SETD4: variants seen among roughly 807,000 people sequenced by gnomAD.
SETD4 encodes SET domain-containing protein 4.
In SETD4, 46 loss-of-function variants were observed where a neutral mutation model predicts 58.3. That is an observed-to-expected ratio of 0.79 (90% CI 0.62 to 1.01). The LOEUF is 1.01. Among genes scored for constraint, SETD4 ranks in the 50% least tolerant of loss-of-function variants. The pLI is 0.00. For synonymous variants in SETD4, 190 were observed against 202.6 expected (o/e 0.94, Z 0.53); for missense variants, 490 against 523.3 (o/e 0.94, Z 0.62).
intron 2 of SETD4, 112 bp downstream of exon 2, chr21:36,058,704 C>G (rs745929352): frequency 3.9e-5 from 49 of 1,254,504 alleles, no homozygotes; most frequent in Non-Finnish European, 5.2e-5. Flanking sequence ...GGTGACAGAG[C>G]GAGAATCCGT....
chr21:36,054,081 C>G (rs945790517), intron 3 of SETD4, among the ~76,000 whole-genome samples: 2 of 152,182 alleles, frequency 1.3e-5, no homozygotes, highest in Admixed American at 6.5e-5. Context: ...AAACCCCACT[C>G]AAGTCCCCAC....
Position 36,043,782 on chromosome 21 carries a change from C to A in SETD4, c.901G>T (p.Glu301Ter). Reference sequence around the variant, plus strand: ...TGTTAAGAACAAAGTTGATTCCAACCTCTTGAGACATAAACACAAGCATGA... The same window carrying A: ...TGTTAAGAACAAAGTTGATTCCAACATCTTGAGACATAAACACAAGCATGA... ...NPHACVYVSR[E>*]ILVKYLPSTD... The change falls in exon 7 of 12, where the codon GAA becomes TAA. Residue 301 changes from glutamate (E) to a stop codon, truncating the protein, a stop_gained and splice_region_variant. Coordinates refer to ENST00000332131, the MANE Select transcript of SETD4 (RefSeq NM_017438.5). LOFTEE classifies it high-confidence loss of function. 1 of 1,613,936 alleles carries A rather than the reference C, an allele frequency of 6.2e-7. No homozygotes were observed. The highest frequency in any genetic ancestry group is 1.3e-5 in the African/African-American group (1 of 75,024).
chr21:36,056,537 G>C (rs1316422378), intron 3 of SETD4, among the ~76,000 whole-genome samples: 1 of 152,178 alleles, frequency 6.6e-6, no homozygotes, highest in Non-Finnish European at 1.5e-5. Context: ...GTGAGAGAAT[G>C]TTCCAGAAGA....
chr21:36,055,771 A>G (rs1477980389), intron 3 of SETD4, among the ~76,000 whole-genome samples: 1 of 152,154 alleles, frequency 6.6e-6, no homozygotes, highest in Non-Finnish European at 1.5e-5. Context: ...CTCACTTTTA[A>G]AAATAGGAAC....
rs940487401 is a variant in SETD4, at chr21:36,034,739, C to T, written c.*1254G>A. 2 of 152,200 alleles carry T rather than the reference C, an allele frequency of 1.3e-5. No homozygotes were observed. The highest frequency in any genetic ancestry group is 4.8e-5 in the African/African-American group (2 of 41,522). 9.4% of individuals were successfully genotyped at this position (152,200 alleles called of 1,614,324 possible). A position where few individuals can be genotyped will look rare whatever the true frequency, so the allele number is the denominator to read the frequency against. On this transcript the variant is annotated 3_prime_UTR_variant, in exon 12 of 12. Coordinates refer to ENST00000332131, the MANE Select transcript of SETD4 (RefSeq NM_017438.5). ...GCCATGCAAATGGTTGACATGCTGCCGATGGCCGCTCTGCAGAATCGCTGG... is the reference window on the plus strand; with the variant it reads ...GCCATGCAAATGGTTGACATGCTGCTGATGGCCGCTCTGCAGAATCGCTGG...
chr21:36,038,484 T>C (rs540639049), intron 9 of SETD4, among the ~76,000 whole-genome samples: 79 of 152,162 alleles, frequency 5.2e-4, no homozygotes, highest in Non-Finnish European at 9.3e-4. Flanking sequence ...GAGCTGAGAA[T>C]AAAAGCACGG....
At chr21:36,058,517 A>G (rs930713479) in intron 2 of SETD4, among the ~76,000 whole-genome samples, 26 of 137,200 alleles carry the variant, frequency 1.9e-4, no homozygotes, top group Admixed American at 4.6e-4. Flanking sequence ...AAAAAAAAAA[A>G]AAAAGAAAGA....
chr21:36,043,723 T>C (rs1601220625), intron 7 of SETD4, 59 bp downstream of exon 7: 2 of 1,595,046 alleles, frequency 1.3e-6, no homozygotes, highest in South Asian at 2.3e-5. Context: ...AAAATACACA[T>C]CTCCAAATGG....
rs754922548 is a variant in SETD4 at position 36,053,616 on chromosome 21, T to C, written c.174A>G (p.Thr58=). 18 of 1,613,970 alleles carry C rather than the reference T, an allele frequency of 1.1e-5. No individual in the cohort carries two copies. The highest frequency in any genetic ancestry group is 5.0e-5 in the Admixed American group (3 of 59,984). ...SNLAPACFPG[T]GRGLMSQTSL... is the part of the protein sequence containing the mutation. ...ATGTTTGACTCATCAGCCCTCTTCC[T>C]GTACCTAGGAAAGCAAAGACAGAAA... Residue 58 remains threonine, a synonymous_variant, in exon 4 of 12, where the codon ACA becomes ACG. Coordinates refer to ENST00000332131, the MANE Select transcript of SETD4 (RefSeq NM_017438.5).
At chr21:36,040,957 G>A (rs762936102) in intron 8 of SETD4, among the ~76,000 whole-genome samples, 9 of 151,960 alleles carry the variant, frequency 5.9e-5, no homozygotes, top group Non-Finnish European at 1.2e-4. Context: ...TCAGGAGATC[G>A]AGACCATCCT....
chr21:36,049,173 T>C (rs923417136), intron 4 of SETD4, among the ~76,000 whole-genome samples: 4 of 152,010 alleles, frequency 2.6e-5, no homozygotes, highest in African/African-American at 9.7e-5. Flanking sequence ...AGATGTAAAG[T>C]AATAGAAAAC....
Position 36,050,903 on chromosome 21 carries a change from C to A in SETD4, c.208-2507G>T. 7 of 1,610,706 alleles carry A rather than the reference C, an allele frequency of 4.3e-6. No individual in the cohort carries two copies. The South Asian group carries it at 7.7e-5, about 18-fold the overall frequency. On this transcript the variant is annotated intron_variant, in intron 4 of 11. Coordinates refer to ENST00000332131, the MANE Select transcript of SETD4 (RefSeq NM_017438.5). ...CAACAGATGGGAGAATGCAAAGCAA[C>A]TGCTCATTAGGTGGTGTGGGGATGA...
At chr21:36,057,047 C>G (rs2065019337) in intron 3 of SETD4, 62 bp downstream of exon 3, 14 of 1,300,894 alleles carry the variant, frequency 1.1e-5, no homozygotes, top group Non-Finnish European at 1.6e-5. Context: ...GCAAGAGTGG[C>G]CCCTGCTGTC....
intron 10 of SETD4, 65 bp downstream of exon 10, chr21:36,038,085 T>C: frequency 1.3e-6 from 2 of 1,540,592 alleles, no homozygotes; most frequent in Non-Finnish European, 1.8e-6. Context: ...CCTAATAACA[T>C]GTACAAAACA....
Position 36,045,998 on chromosome 21 carries a change from G to C in SETD4, c.310C>G (p.Pro104Ala). The change falls in exon 6 of 12, where the codon CCA (proline) becomes GCA (alanine). Residue 104 changes from proline to alanine, a missense_variant. Pro to Ala is a conservative substitution (Grantham distance 27). Coordinates refer to ENST00000332131, the MANE Select transcript of SETD4 (RefSeq NM_017438.5). ...GTGCACAGCGCCAGCAGAGGAGATG[G>C]AGGAGGCTTCCACCTTTGAAAATTA... ...GAYITKWKPP[P>A]SPLLALCTFL... is the part of the protein sequence containing the mutation. 6.2e-7 allele frequency: 1 copy of C among 1,612,092 alleles called. No individual in the cohort carries two copies. The highest frequency in any genetic ancestry group is 1.1e-5 in the South Asian group (1 of 90,746).
chr21:36,040,455 G>A (rs897281630), intron 9 of SETD4, 120 bp downstream of exon 9: 3 of 763,074 alleles, frequency 3.9e-6, no homozygotes, highest in South Asian at 1.5e-5. Context: ...TCCAATGTAT[G>A]ACATCCCTTT....
chr21:36,052,344 C>G (rs563670256), intron 4 of SETD4, among the ~76,000 whole-genome samples: 2 of 147,322 alleles, frequency 1.4e-5, no homozygotes, highest in African/African-American at 2.5e-5. Context: ...GTCAGAAGTT[C>G]AAGACCAGCC....
chr21:36,050,789 G>C, intron 4 of SETD4: 3 of 1,610,740 alleles, frequency 1.9e-6, no homozygotes, highest in Middle Eastern at 1.7e-4. Context: ...CGCCATACTT[G>C]TTCCAGAAGT....
chr21:36,057,394 C>A (rs1316876855), intron 2 of SETD4, 190 bp from the exon 3 acceptor site: 1 of 720,804 alleles, frequency 1.4e-6, no homozygotes. Flanking sequence ...TTCTGTATTC[C>A]CAGCATTTGG....
Sources: gnomAD v4.1 joint callset for allele counts (sites outside exome capture counted in the v4.1 genomes callset) on GRCh38, gnomAD v4.1.1 for gene constraint, MANE v1.5 for transcripts, NCBI Gene and HGNC (gene_info 2026-07-23, HGNC 2026-07-21) for gene names.